L3MBTL2: variants seen among roughly 807,000 people sequenced by gnomAD.
L3MBTL2 encodes the protein lethal(3)malignant brain tumor-like protein 2.
In L3MBTL2, 49 loss-of-function variants were observed where a neutral mutation model predicts 86.4. The ratio of observed to expected loss-of-function variants is 0.57; its 90% CI spans 0.45 to 0.72. The LOEUF is 0.72. L3MBTL2 is among the 30% of genes least tolerant of loss of function. The pLI is 0.00. For synonymous variants in L3MBTL2, 336 were observed against 350.6 expected (o/e 0.96, Z 0.47); for missense variants, 755 against 923.7 (o/e 0.82, Z 2.37).
intron 15 of L3MBTL2, chr22:41,228,107 C>T (rs2032319202): frequency 2.0e-6 from 2 of 985,314 alleles, no homozygotes; most frequent in South Asian, 9.4e-5. Context: ...TGGCCATGGT[C>T]AGGGTGCTGA....
At chr22:41,221,440 C>G in intron 8 of L3MBTL2, 153 bp downstream of exon 8, 1 of 683,392 alleles carries the variant, frequency 1.5e-6, no homozygotes, top group South Asian at 1.8e-5. Flanking sequence ...AATGCTGCTG[C>G]TACGTGGTTG....
chr22:41,217,140 G>C lies in L3MBTL2; in HGVS notation c.538G>C (p.Asp180His), dbSNP rs774647469. Residue 180 changes from aspartate (D) to histidine (H), a missense_variant, in exon 5 of 17, where the codon GAC (aspartate) becomes CAC (histidine). Transcript: ENST00000216237. ...CTCTGCAGCTCTGGTCTTGGGCTTCGACTGGGGGAAGTTCCTGAAGGATCA... is the reference window on the plus strand; with the variant it reads ...CTCTGCAGCTCTGGTCTTGGGCTTCCACTGGGGGAAGTTCCTGAAGGATCA... ...TGQDALVLGFDWGKFLKDHSY... is the reference protein window; with the variant it reads ...TGQDALVLGFHWGKFLKDHSY... The C allele has an allele frequency of 1.2e-6, 2 of 1,613,876 alleles. No homozygotes were observed. Among genetic ancestry groups the C allele is most frequent in the Admixed American group, 1.7e-5 (1 of 60,014 alleles).
intron 7 of L3MBTL2, 137 bp downstream of exon 7, chr22:41,221,005 T>G (rs2031772615): frequency 9.1e-6 from 10 of 1,103,006 alleles, no homozygotes; most frequent in Non-Finnish European, 1.3e-5. Flanking sequence ...CTTCCTGCCC[T>G]CCCCATCCCA....
At chr22:41,223,371 C>T (rs1280925942) in intron 8 of L3MBTL2, among the ~76,000 whole-genome samples, 1 of 152,252 alleles carries the variant, frequency 6.6e-6, no homozygotes, top group Admixed American at 6.5e-5. Flanking sequence ...AGAACCTCCT[C>T]CTCTGTACCC....
intron 8 of L3MBTL2, among the ~76,000 whole-genome samples, chr22:41,223,531 A>G (rs563363208): frequency 6.2e-5 from 9 of 144,774 alleles, no homozygotes; most frequent in South Asian, 2.5e-4. Context: ...TTCTCTGGAC[A>G]TGAGTCTTGT....
intron 5 of L3MBTL2, chr22:41,217,411 G>A (rs1039258660): frequency 1.8e-5 from 10 of 555,954 alleles, no homozygotes; most frequent in East Asian, 3.1e-5. Flanking sequence ...CTTCACTCCC[G>A]GTCTGAAGCC....
intron 8 of L3MBTL2, among the ~76,000 whole-genome samples, chr22:41,222,272 T>G (rs1233636525): frequency 6.6e-6 from 1 of 152,134 alleles, no homozygotes; most frequent in East Asian, 1.9e-4. Context: ...AAATCTCTAG[T>G]CTGGCAGAGG....
intron 13 of L3MBTL2, 54 bp downstream of exon 13, chr22:41,226,798 G>A (rs2145613808): frequency 1.6e-6 from 2 of 1,257,246 alleles, no homozygotes; most frequent in Non-Finnish European, 2.3e-6. Context: ...GACAGGCCCT[G>A]CCTGCTGCTG....
intron 8 of L3MBTL2, among the ~76,000 whole-genome samples, chr22:41,223,446 T>C (rs1284404630): frequency 6.6e-6 from 1 of 152,204 alleles, no homozygotes; most frequent in Non-Finnish European, 1.5e-5. Flanking sequence ...ATTAGGTCAG[T>C]TGCTACCAAG....
chr22:41,214,314 C>T (rs1277104686), intron 3 of L3MBTL2: 3 of 225,548 alleles, frequency 1.3e-5, no homozygotes, highest in East Asian at 9.3e-5. Context: ...TTGGTCTTCA[C>T]CCCACACTTT....
chr22:41,224,244 G>A lies in L3MBTL2; in HGVS notation c.1167G>A (p.Lys389=). The A allele has an allele frequency of 6.2e-7, 1 of 1,610,712 alleles. No homozygotes were observed. The highest frequency in any genetic ancestry group is 8.5e-7 in the Non-Finnish European group (1 of 1,177,366). ...CACGACGTGTGGGCCACGGCATCAA[G>A]ATGTCAGGTTAGCAGAGCCCCAGGC... ...GWSRRVGHGI[K]MSERRSDMAH... The change falls in exon 9 of 17, where the codon AAG becomes AAA. Residue 389 remains lysine, a synonymous_variant. Coordinates refer to ENST00000216237, the MANE Select transcript of L3MBTL2 (RefSeq NM_031488.5). The surrounding 1 kb of genome is among the most constrained non-coding windows in gnomAD (Gnocchi z 4.9).
chr22:41,221,155 G>T (rs1487095507), intron 7 of L3MBTL2, 44 bp from the exon 8 acceptor site: 1 of 1,313,758 alleles, frequency 7.6e-7, no homozygotes, highest in Non-Finnish European at 1.0e-6. Flanking sequence ...GTCAGTGGAG[G>T]TTTGTCAGTC....
chr22:41,225,812 C>G lies in L3MBTL2; in HGVS notation c.1375C>G (p.Leu459Val). Residue 459 changes from leucine to valine, a missense_variant, in exon 12 of 17, where the codon CTG (leucine) becomes GTG (valine). This residue lies in a region of L3MBTL2 where 634 missense variants were observed against 748.9 expected (regional missense o/e 0.85). Coordinates refer to ENST00000216237, the MANE Select transcript of L3MBTL2 (RefSeq NM_031488.5). The surrounding 1 kb of genome is among the most constrained non-coding windows in gnomAD (Gnocchi z 4.1). ...TVCKVLLDGY[L>V]MICVDGGPST... ...CCCCCAGGTTCTCCTGGATGGATACCTGATGATCTGTGTGGACGGGGGGCC... is the reference window on the plus strand; with the variant it reads ...CCCCCAGGTTCTCCTGGATGGATACGTGATGATCTGTGTGGACGGGGGGCC... 6.2e-7 allele frequency: 1 copy of G among 1,613,470 alleles called. No homozygotes were observed. Among genetic ancestry groups the G allele is most frequent in the Non-Finnish European group, 8.5e-7 (1 of 1,179,536 alleles).
intron 8 of L3MBTL2, 189 bp downstream of exon 8, chr22:41,221,476 G>T: frequency 1.7e-6 from 1 of 600,062 alleles, no homozygotes; most frequent in South Asian, 1.9e-5. Flanking sequence ...GCCTGGCGTC[G>T]GCCACTGCCC....
chr22:41,212,198 T>G (rs1266936190), intron 2 of L3MBTL2, among the ~76,000 whole-genome samples: 1 of 152,090 alleles, frequency 6.6e-6, no homozygotes, highest in African/African-American at 2.4e-5. Flanking sequence ...CTTCTTTTCA[T>G]CCCTTGCCTT....
rs1268426729 is a variant in L3MBTL2 at position 41,213,892 on chromosome 22, G to A, written c.263-1G>A. On this transcript the variant is annotated splice_acceptor_variant, in intron 2 of 16. Transcript: ENST00000216237. LOFTEE classifies it high-confidence loss of function. The stretch of plus-strand genomic sequence containing the variant: ...AGTCATGTGCTAAGTTCTCTTCCCA[G>A]CTGTCTGTGAGATGTGTGGTATCGT... 6.2e-7 allele frequency: 1 copy of A among 1,614,108 alleles called. No individual in the cohort carries two copies. Among genetic ancestry groups the A allele is most frequent in the Admixed American group, 1.7e-5 (1 of 60,014 alleles).
chr22:41,230,093 C>CCCA, intron 16 of L3MBTL2, 46 bp from the exon 17 acceptor site: 10 of 965,758 alleles, frequency 1.0e-5, no homozygotes, highest in Admixed American at 2.3e-5. Flanking sequence ...CCACCCCTCC[C>CCCA]AGAGTTATTT....
At chr22:41,210,131 G>A in intron 2 of L3MBTL2, 198 bp downstream of exon 2, 1 of 357,522 alleles carries the variant, frequency 2.8e-6, no homozygotes. Flanking sequence ...TTCCTTTGCT[G>A]AAGTCTAATT....
Position 41,209,819 on chromosome 22 carries a change from G to A in L3MBTL2, c.148G>A (p.Glu50Lys). 6.2e-7 allele frequency: 1 copy of A among 1,614,180 alleles called. No individual in the cohort carries two copies. Among genetic ancestry groups the A allele is most frequent in the Non-Finnish European group, 8.5e-7 (1 of 1,180,040 alleles). The change falls in exon 2 of 17, where the codon GAG becomes AAG. Residue 50 changes from glutamate to lysine, a missense_variant. Transcript: ENST00000216237. ...VGSESSSYLE[E>K]SSEAENEDRE... ...CAGTGAGAGCAGCTCCTATCTGGAG[G>A]AGTCAAGTGAAGCAGAAAATGAGGA...
Sources: allele counts gnomAD v4.1 joint callset (sites outside exome capture counted in the v4.1 genomes callset), GRCh38; gene constraint gnomAD v4.1.1; regional missense constraint gnomAD v4.1.1; non-coding constraint Gnocchi (gnomAD v3.1); transcripts MANE v1.5; gene names NCBI Gene and HGNC (gene_info 2026-07-23, HGNC 2026-07-21).